The following CHD5 variants were observed in gnomAD, a reference collection of about 807,000 sequenced individuals.
CHD5 encodes the protein ATP-dependent chromatin remodeler CHD5.
CHD5 carries 69 observed loss-of-function variants against 230.3 expected under a neutral mutation model. The observed-to-expected ratio is 0.30, with a 90% CI of 0.25 to 0.37. The LOEUF (loss-of-function observed/expected upper bound fraction) is 0.37, where lower values mean the gene tolerates loss of function less well. CHD5 is among the 10% of genes least tolerant of loss of function. The probability of loss-of-function intolerance (pLI) is 1.00; values close to 1 mark genes in which losing one functional copy is unlikely to be tolerated. For missense variants in CHD5, 1,827 were observed against 2,622.8 expected (o/e 0.70, Z 6.63); for synonymous variants, 1,064 against 1,065.9 (o/e 1.00, Z 0.03).
Position 6,125,518 on chromosome 1 carries a change from C to A in CHD5, c.4260+6G>T. 6.4e-7 allele frequency: 1 copy of A among 1,571,978 alleles called. No homozygotes were observed. The highest frequency in any genetic ancestry group is 1.8e-5 in the Admixed American group (1 of 54,270). ...AGAAAGAGATGCGGGAACAGACAGG[C>A]CCCACCTCGATGTTGCCACCAACTC... On this transcript the variant is annotated splice_donor_region_variant and intron_variant, in intron 28 of 41. Coordinates refer to ENST00000262450, the MANE Select transcript of CHD5 (RefSeq NM_015557.3). The surrounding 1 kb of genome is among the most constrained non-coding windows in gnomAD (Gnocchi z 6.7).
At chr1:6,172,396 C>T (rs1423505030) in intron 1 of CHD5, among the ~76,000 whole-genome samples, 3 of 152,078 alleles carry the variant, frequency 2.0e-5, no homozygotes, top group Non-Finnish European at 4.4e-5. Flanking sequence ...ATGATCATGG[C>T]TCACTGCAGG....
intron 36 of CHD5, among the ~76,000 whole-genome samples, chr1:6,110,953 G>GC (rs1240557597): frequency 6.6e-6 from 1 of 152,238 alleles, no homozygotes; most frequent in African/African-American, 2.4e-5. Flanking sequence ...TTTGGGGCCA[G>GC]GCATGGTGGC....
intron 7 of CHD5, among the ~76,000 whole-genome samples, chr1:6,150,467 CGG>C (rs1557554882): frequency 3.1e-4 from 24 of 77,358 alleles, no homozygotes; most frequent in African/African-American, 1.3e-3. Flanking sequence ...GATGGATGGA[CGG>C]ACGGACGGAC....
In CHD5 at chr1:6,121,389, C is replaced by A. The variant is rs1666468667; in HGVS notation, c.4779+105G>T. 1 of 1,483,622 alleles carries A rather than the reference C, an allele frequency of 6.7e-7. No homozygotes were observed. The highest frequency in any genetic ancestry group is 9.3e-7 in the Non-Finnish European group (1 of 1,076,796). 91.9% of individuals were successfully genotyped at this position (1,483,622 alleles called of 1,614,324 possible). ...CCGATTCAGAGCCCCGAAAAGGGAG[C>A]CAGGAGGCCTGGGTTCCACCTCGCT... On this transcript the variant is annotated intron_variant, in intron 32 of 41. Coordinates refer to ENST00000262450, the MANE Select transcript of CHD5 (RefSeq NM_015557.3). This position sits in a 1 kb window ranked among gnomAD's most constrained non-coding sequence, Gnocchi z 4.5.
chr1:6,112,280 G>C lies in CHD5; in HGVS notation c.5003-3C>G, dbSNP rs1235377737. Reference sequence around the variant, plus strand: ...CTTCTCCTCAGCCTTGGTGTCATCTGCCGGGGACAGATCACATTCATTCAT... The same window carrying C: ...CTTCTCCTCAGCCTTGGTGTCATCTCCCGGGGACAGATCACATTCATTCAT... On this transcript the variant is annotated splice_polypyrimidine_tract_variant and splice_region_variant and intron_variant, in intron 34 of 41. Transcript: ENST00000262450. 3 of 1,613,568 alleles carry C rather than the reference G, an allele frequency of 1.9e-6. No individual in the cohort carries two copies. The highest frequency in any genetic ancestry group is 3.3e-5 in the Admixed American group (2 of 59,948).
In CHD5 at chr1:6,154,013, A is replaced by C. The variant is rs1667044582; in HGVS notation, c.745+647T>G. ...TCTGCTGCCTGCATCCTCCCCACCC[A>C]GACGCCCTGCCACTGAGGCAGAATT... On this transcript the variant is annotated intron_variant, in intron 5 of 41. Coordinates refer to ENST00000262450, the MANE Select transcript of CHD5 (RefSeq NM_015557.3). The surrounding 1 kb of genome is among the most constrained non-coding windows in gnomAD (Gnocchi z 7.0). Among the ~76,000 whole-genome samples, 1 of 151,944 alleles carries C rather than the reference A, an allele frequency of 6.6e-6. No individual in the cohort carries two copies. The highest frequency in any genetic ancestry group is 1.5e-5 in the Non-Finnish European group (1 of 67,982).
At position 6,180,003 on chromosome 1, in the gene CHD5, G is replaced by T; in HGVS notation, c.21C>A (p.Thr7=). Reference sequence around the variant, plus strand: ...CGAACAGCCGCGGCAGCTCCTCCTCGGTGCCCACTGGGCCCCGCATGCCCG... The same window carrying T: ...CGAACAGCCGCGGCAGCTCCTCCTCTGTGCCCACTGGGCCCCGCATGCCCG... The part of the protein sequence containing the change: MRGPVG[T]EEELPRLFAE... Residue 7 remains threonine (T), a synonymous_variant, in exon 1 of 42, where the codon ACC becomes ACA. Coordinates refer to ENST00000262450, the MANE Select transcript of CHD5 (RefSeq NM_015557.3). The T allele has an allele frequency of 7.2e-7, 1 of 1,381,288 alleles. No homozygotes were observed. The highest frequency in any genetic ancestry group is 3.6e-5 in the East Asian group (1 of 27,848). 85.6% of individuals were successfully genotyped at this position (1,381,288 alleles called of 1,614,324 possible).
In CHD5 at chr1:6,129,141, A is replaced by G; in HGVS notation, c.3388-72T>C. On this transcript the variant is annotated intron_variant, in intron 22 of 41. Coordinates refer to ENST00000262450, the MANE Select transcript of CHD5 (RefSeq NM_015557.3). This position sits in a 1 kb window ranked among gnomAD's most constrained non-coding sequence, Gnocchi z 6.8. ...GGCAATGGAGGAGATCACACCCATG[A>G]GCTCAAGAGCATGGAATGGGCTGCA... is the stretch of plus-strand genomic sequence containing the variant. 2 of 1,029,098 alleles carry G rather than the reference A, an allele frequency of 1.9e-6. No individual in the cohort carries two copies. The highest frequency in any genetic ancestry group is 1.4e-5 in the South Asian group (1 of 71,334). 63.7% of individuals were successfully genotyped at this position (1,029,098 alleles called of 1,614,324 possible).
In CHD5 at chr1:6,135,193, C is replaced by G. The variant is rs546176685; in HGVS notation, c.2870+37G>C. On this transcript the variant is annotated intron_variant, in intron 18 of 41. Coordinates refer to ENST00000262450, the MANE Select transcript of CHD5 (RefSeq NM_015557.3). ...CAGGAGACCAGCCCAGGGGAAAGGG[C>G]GAGCACAGGCTGCTCCGGGGTCAGC... 3.7e-6 allele frequency: 6 copies of G among 1,612,216 alleles called. No individual in the cohort carries two copies. The Admixed American group carries it at 5.0e-5, about 13-fold the overall frequency.
rs117614948 is a variant in CHD5 at position 6,152,389 on chromosome 1, C to T, written c.870+23G>A. ...ACACATGCATGCAAATGCACACACACGCGCACACACGCACACACTCACCGA... is the reference window on the plus strand; with the variant it reads ...ACACATGCATGCAAATGCACACACATGCGCACACACGCACACACTCACCGA... On this transcript the variant is annotated intron_variant, in intron 6 of 41. Coordinates refer to ENST00000262450, the MANE Select transcript of CHD5 (RefSeq NM_015557.3). 775 of 1,605,470 alleles carry T rather than the reference C, an allele frequency of 4.8e-4. 1 individual carries two copies. Among genetic ancestry groups the T allele is most frequent in the South Asian group, 3.5e-4 (32 of 90,254 alleles).
At chr1:6,159,231 A>T (rs1571166649) in intron 3 of CHD5, 105 bp downstream of exon 3, 6 of 463,282 alleles carry the variant, frequency 1.3e-5, no homozygotes, top group East Asian at 4.5e-4. Flanking sequence ...ACTCCATCAC[A>T]CACACACACA....
intron 3 of CHD5, among the ~76,000 whole-genome samples, chr1:6,158,090 C>T (rs1333676121): frequency 6.6e-6 from 1 of 152,230 alleles, no homozygotes; most frequent in Non-Finnish European, 1.5e-5. Context: ...ACAAAGGGAG[C>T]ACAGTGTTCC....
intron 33 of CHD5, among the ~76,000 whole-genome samples, chr1:6,119,516 C>G (rs1666431935): frequency 6.6e-6 from 1 of 152,044 alleles, no homozygotes; most frequent in African/African-American, 2.4e-5. Flanking sequence ...ACCTGACAAC[C>G]CAGTCTCAAA....
Position 6,106,454 on chromosome 1 carries a change from C to A in CHD5, c.5798G>T (p.Gly1933Val), listed in dbSNP as rs1357718660. 6.4e-7 allele frequency: 1 copy of A among 1,565,602 alleles called. No individual in the cohort carries two copies. Residue 1933 changes from glycine to valine, a missense_variant, in exon 40 of 42, where the codon GGC (glycine) becomes GTC (valine). Around this residue, in one of 14 missense-constraint regions of CHD5, gnomAD observed 208 missense variants for 302.0 expected, o/e 0.69. Coordinates refer to ENST00000262450, the MANE Select transcript of CHD5 (RefSeq NM_015557.3). The part of the protein sequence containing the change: ...YSNNFGPNFR[G>V]PGPGGIVNYN... ...GTTGACAATCCCTCCCGGTCCAGGG[C>A]CCCGGAAGTTGGGCCCAAAGTTGTT...
chr1:6,156,834 C>T (rs1269732608), intron 3 of CHD5, among the ~76,000 whole-genome samples: 2 of 152,168 alleles, frequency 1.3e-5, no homozygotes, highest in Non-Finnish European at 2.9e-5. Flanking sequence ...AGAGCTAGCC[C>T]AGGGGTCAGG....
intron 7 of CHD5, among the ~76,000 whole-genome samples, chr1:6,150,258 AATGG>A (rs1252530421): frequency 1.4e-5 from 2 of 146,248 alleles, no homozygotes; most frequent in Admixed American, 6.8e-5. Flanking sequence ...ACGGATGGAC[AATGG>A]ATGGATGGAT....
intron 3 of CHD5, among the ~76,000 whole-genome samples, chr1:6,157,581 G>C (rs1224906590): frequency 6.6e-6 from 1 of 152,186 alleles, no homozygotes; most frequent in Non-Finnish European, 1.5e-5. Context: ...GCGTCTCCCA[G>C]CACTGAGAAC....
In CHD5 at chr1:6,121,378, C is replaced by G; in HGVS notation, c.4779+116G>C. ...CCTGCTCCCCGCCGATTCAGAGCCC[C>G]GAAAAGGGAGCCAGGAGGCCTGGGT... On this transcript the variant is annotated intron_variant, in intron 32 of 41. Transcript: ENST00000262450. This position sits in a 1 kb window ranked among gnomAD's most constrained non-coding sequence, Gnocchi z 4.5. 6.7e-7 allele frequency: 1 copy of G among 1,500,584 alleles called. No homozygotes were observed. The highest frequency in any genetic ancestry group is 9.2e-7 in the Non-Finnish European group (1 of 1,092,660). The allele number at this position is 1,500,584 out of a possible 1,614,324, so 93.0% of individuals were successfully genotyped here.
At chr1:6,132,704 T>G (rs1666676966) in intron 20 of CHD5, among the ~76,000 whole-genome samples, 1 of 152,232 alleles carries the variant, frequency 6.6e-6, no homozygotes, top group South Asian at 2.1e-4. Flanking sequence ...TCAGAGTCTG[T>G]CCAGTCTGTT....
Sources: allele counts gnomAD v4.1 joint callset (sites outside exome capture counted in the v4.1 genomes callset), GRCh38; gene constraint gnomAD v4.1.1; regional missense constraint gnomAD v4.1.1; non-coding constraint Gnocchi (gnomAD v3.1); transcripts MANE v1.5; gene names NCBI Gene and HGNC (gene_info 2026-07-23, HGNC 2026-07-21).